The following MAB21L3 variants were observed in gnomAD, a reference collection of about 807,000 sequenced individuals.
MAB21L3 encodes mab-21 like 3, also known as protein mab-21-like 3.
In MAB21L3, 36 loss-of-function variants were observed where a neutral mutation model predicts 37.7. The ratio of observed to expected loss-of-function variants is 0.96; its 90% CI spans 0.73 to 1.26. The LOEUF is 1.26. Ranked by LOEUF, MAB21L3 falls within the 50% of genes most tolerant of loss-of-function variation. MAB21L3 has a pLI of 0.00. For synonymous variants in MAB21L3, 186 were observed against 176.8 expected, an observed-to-expected ratio of 1.05 and a Z score of -0.41; for missense variants, 430 against 447.3, an observed-to-expected ratio of 0.96 and a Z score of 0.35.
chr1:116,125,979 G>A (rs1277474362), intron 5 of MAB21L3, among the ~76,000 whole-genome samples: 1 of 152,212 alleles, frequency 6.6e-6, no homozygotes, highest in Non-Finnish European at 1.5e-5. Context: ...AATGGGCAAG[G>A]TTTATGAGGC....
At position 116,127,183 on chromosome 1, in the gene MAB21L3, G is replaced by T. The variant is rs540391839; in HGVS notation, c.482-283G>T. Among the ~76,000 whole-genome samples the T allele has an allele frequency of 2.2e-4, 33 of 152,234 alleles. No individual in the cohort carries two copies. In the South Asian group the frequency reaches 6.6e-3, roughly 31 times the overall value. On this transcript the variant is annotated intron_variant, in intron 5 of 7. Coordinates refer to ENST00000369500, the MANE Select transcript of MAB21L3 (RefSeq NM_152367.3). The stretch of plus-strand genomic sequence containing the variant: ...AGAATCTATTAATTTAAAAGAAAAG[G>T]TACCCCAAATGCCTTGGGGTTGGGG...
chr1:116,138,033 T>G lies in MAB21L3; in HGVS notation c.*4668T>G. Among the ~76,000 whole-genome samples the G allele has an allele frequency of 6.9e-6, 1 of 145,438 alleles. No homozygotes were observed. Among genetic ancestry groups the G allele is most frequent in the African/African-American group, 2.6e-5 (1 of 38,894 alleles). Reference sequence around the variant, plus strand: ...GATATACCTAATGCTAGATGACGAGTTAGTGGGTGCAGCGCACCAGCATGG... The same window carrying G: ...GATATACCTAATGCTAGATGACGAGGTAGTGGGTGCAGCGCACCAGCATGG... On this transcript the variant is annotated 3_prime_UTR_variant, in exon 8 of 8. Coordinates refer to ENST00000369500, the MANE Select transcript of MAB21L3 (RefSeq NM_152367.3).
At chr1:116,113,325 G>C (rs1659482043) in intron 3 of MAB21L3, among the ~76,000 whole-genome samples, 1 of 152,202 alleles carries the variant, frequency 6.6e-6, no homozygotes, top group Non-Finnish European at 1.5e-5. Context: ...GTTCGAAAGA[G>C]AAGATCATTA....
At chr1:116,123,750 A>G (rs750643122) in intron 4 of MAB21L3, 1 of 256,138 alleles carries the variant, frequency 3.9e-6, no homozygotes, top group East Asian at 9.4e-5. Context: ...AACTGAATGC[A>G]TACTCATTCT....
In MAB21L3 at chr1:116,133,327, G is replaced by T; in HGVS notation, c.1051G>T (p.Ala351Ser). 1.2e-6 allele frequency: 2 copies of T among 1,614,172 alleles called. No homozygotes were observed. Among genetic ancestry groups the T allele is most frequent in the South Asian group, 1.1e-5 (1 of 91,084 alleles). The change falls in exon 8 of 8, where the codon GCC becomes TCC. Residue 351 changes from alanine to serine, a missense_variant. By Grantham distance (99) the Ala-to-Ser change is moderately conservative (BLOSUM62 1). Coordinates refer to ENST00000369500, the MANE Select transcript of MAB21L3 (RefSeq NM_152367.3). ...TELDTVAQKLATFLKNPQIGP... is the reference protein window; with the variant it reads ...TELDTVAQKLSTFLKNPQIGP... ...ACTGGACACTGTGGCCCAAAAGCTG[G>T]CCACCTTCCTGAAGAACCCCCAGAT...
chr1:116,124,344 C>G lies in MAB21L3; in HGVS notation c.468C>G (p.Thr156=), dbSNP rs559518843. The G allele has an allele frequency of 6.2e-7, 1 of 1,612,752 alleles. No individual in the cohort carries two copies. The highest frequency in any genetic ancestry group is 8.5e-7 in the Non-Finnish European group (1 of 1,179,692). Residue 156 remains threonine (T), a synonymous_variant, in exon 5 of 8, where the codon ACC becomes ACG. Coordinates refer to ENST00000369500, the MANE Select transcript of MAB21L3 (RefSeq NM_152367.3). ...FRKLVENAVR[T]CHLSGKVSLL... ...AGCTGGTGGAAAATGCAGTTAGAAC[C>G]TGTCACCTCTCAGGTGAGCTGATCA...
chr1:116,121,247 C>T lies in MAB21L3; in HGVS notation c.189+175C>T, dbSNP rs141511342. Among the ~76,000 whole-genome samples, 270 of 152,264 alleles carry T rather than the reference C, an allele frequency of 1.8e-3. 3 individuals carry two copies. Among genetic ancestry groups the T allele is most frequent in the Non-Finnish European group, 1.6e-3 (108 of 68,028 alleles). ...TCTCATTTTATACATGTCATTTCAG[C>T]CAGCAGGGTGCCTTATGCCTATAAT... On this transcript the variant is annotated intron_variant, in intron 4 of 7. Transcript: ENST00000369500.
rs981498365 is a variant in MAB21L3 at position 116,134,165 on chromosome 1, G to T, written c.*800G>T. The T allele has an allele frequency of 6.6e-6, 1 of 152,336 alleles. No individual in the cohort carries two copies. The highest frequency in any genetic ancestry group is 6.5e-5 in the Admixed American group (1 of 15,286). 9.4% of individuals were successfully genotyped at this position (152,336 alleles called of 1,614,324 possible). A position where few individuals can be genotyped will look rare whatever the true frequency, so the allele number is the denominator to read the frequency against. The stretch of plus-strand genomic sequence containing the variant: ...CCTCTCTTTGCTTCCCATGCCATGG[G>T]CCATGGATGGAACTTCCTTATATAT... On this transcript the variant is annotated 3_prime_UTR_variant, in exon 8 of 8. Transcript: ENST00000369500.
At chr1:116,114,934 C>T (rs537462696) in intron 3 of MAB21L3, among the ~76,000 whole-genome samples, 1 of 152,262 alleles carries the variant, frequency 6.6e-6, no homozygotes. Context: ...AAAGGTCTTC[C>T]AGGCTAAGGG....
At chr1:116,112,383 CT>C (rs374067158) in intron 2 of MAB21L3, 23 bp from the exon 3 acceptor site, 24,748 of 386,342 alleles carry the variant, frequency 0.064, 568 homozygotes, top group Middle Eastern at 0.1. Flanking sequence ...TTTTTAAATT[CT>C]TTTTTTTTTA....
At chr1:116,120,908 A>G in intron 3 of MAB21L3, 24 bp from the exon 4 acceptor site, 1 of 1,613,026 alleles carries the variant, frequency 6.2e-7, no homozygotes, top group Non-Finnish European at 8.5e-7. Flanking sequence ...AATAACCACC[A>G]TTGCTGGTCC....
At position 116,124,050 on chromosome 1, in the gene MAB21L3, C is replaced by G; in HGVS notation, c.190-16C>G. 1 of 1,577,252 alleles carries G rather than the reference C, an allele frequency of 6.3e-7. No homozygotes were observed. Among genetic ancestry groups the G allele is most frequent in the Non-Finnish European group, 8.6e-7 (1 of 1,160,750 alleles). Reference sequence around the variant, plus strand: ...CTGTGAATTCATGCTTGTTTTCAATCCTTTCCTGACCCTAGGTTTTGGCTC... The same window carrying G: ...CTGTGAATTCATGCTTGTTTTCAATGCTTTCCTGACCCTAGGTTTTGGCTC... On this transcript the variant is annotated splice_polypyrimidine_tract_variant and intron_variant, in intron 4 of 7. Transcript: ENST00000369500.
Position 116,112,644 on chromosome 1 carries a change from A to G in MAB21L3, c.29A>G (p.Glu10Gly), listed in dbSNP as rs773732671. Reference sequence around the variant, plus strand: ...AAATACCTTACTGTGGGAGACTTAGAAGATTGCCTACTGAATAAGGTAAGG... The same window carrying G: ...AAATACCTTACTGTGGGAGACTTAGGAGATTGCCTACTGAATAAGGTAAGG... Reference protein sequence around the residue: MKYLTVGDLEDCLLNKVDLR... With the variant: MKYLTVGDLGDCLLNKVDLR... The change falls in exon 3 of 8, where the codon GAA (glutamate) becomes GGA (glycine). Residue 10 changes from glutamate to glycine, a missense_variant. Glu to Gly is a moderately conservative substitution (Grantham distance 98, BLOSUM62 -2). Coordinates refer to ENST00000369500, the MANE Select transcript of MAB21L3 (RefSeq NM_152367.3). 1.8e-5 allele frequency: 29 copies of G among 1,613,732 alleles called. No individual in the cohort carries two copies. Among genetic ancestry groups the G allele is most frequent in the South Asian group, 4.4e-5 (4 of 91,078 alleles).
intron 5 of MAB21L3, among the ~76,000 whole-genome samples, chr1:116,126,281 T>C (rs1293679442): frequency 1.3e-5 from 2 of 152,212 alleles, no homozygotes; most frequent in Non-Finnish European, 2.9e-5. Flanking sequence ...CTGTACCTTT[T>C]GAAAGAAGAA....
intron 3 of MAB21L3, among the ~76,000 whole-genome samples, chr1:116,120,424 C>CAG (rs1557929339): frequency 2.4e-5 from 3 of 123,520 alleles, no homozygotes; most frequent in African/African-American, 1.0e-4. Flanking sequence ...CACACACACA[C>CAG]ACACACAAAC....
chr1:116,131,315 G>A (rs774657474), intron 7 of MAB21L3, among the ~76,000 whole-genome samples: 8 of 152,162 alleles, frequency 5.3e-5, no homozygotes, highest in Non-Finnish European at 1.0e-4. Context: ...CTATGCAGCC[G>A]AAGCAGGATG....
chr1:116,133,055 T>G, intron 7 of MAB21L3, 77 bp from the exon 8 acceptor site: 3 of 1,223,842 alleles, frequency 2.5e-6, no homozygotes, highest in Middle Eastern at 3.7e-4. Context: ...CAAGGCCACA[T>G]AAGCTCAATA....
rs528680774 is a variant in MAB21L3 at position 116,129,303 on chromosome 1, C to A, written c.855+964C>A. 3.2e-4 allele frequency among the ~76,000 whole-genome samples: 49 copies of A among 152,346 alleles called. 1 individual carries two copies. Among genetic ancestry groups the A allele is most frequent in the Middle Eastern group, 3.4e-3 (1 of 294 alleles). ...ACTCCCTCTTTCTCAAATTGTGAAC[C>A]ACACAGAGTGAAGTGTACTCTCATG... On this transcript the variant is annotated intron_variant, in intron 7 of 7. Transcript: ENST00000369500.
In MAB21L3 at chr1:116,131,190, T is replaced by C. The variant is rs191850438; in HGVS notation, c.856-1942T>C. ...AATGATAAAATTAATCACATAAATA[T>C]AAAAACTACTACTGTTGTCGCTGCT... On this transcript the variant is annotated intron_variant, in intron 7 of 7. Transcript: ENST00000369500. Among the ~76,000 whole-genome samples the C allele has an allele frequency of 3.2e-4, 49 of 152,344 alleles. 1 individual carries two copies. In the East Asian group the frequency reaches 8.3e-3, roughly 26 times the overall value.
Sources: gnomAD v4.1 joint callset for allele counts (sites outside exome capture counted in the v4.1 genomes callset) on GRCh38, gnomAD v4.1.1 for gene constraint, MANE v1.5 for transcripts, NCBI Gene and HGNC (gene_info 2026-07-23, HGNC 2026-07-21) for gene names.